The following CDH12 variants were observed in gnomAD, a reference collection of about 807,000 sequenced individuals.
The protein encoded by CDH12 is cadherin 12, also known as cadherin-12.
A neutral mutation model predicts 74.1 loss-of-function variants in CDH12; 41 were observed. The ratio of observed to expected loss-of-function variants is 0.55; its 90% confidence interval spans 0.43 to 0.72. The LOEUF (loss-of-function observed/expected upper bound fraction) is 0.72. CDH12 is among the 30% of genes least tolerant of loss of function. The pLI is 0.00. For synonymous variants in CDH12, 399 were observed against 355.0 expected (o/e 1.12, Z -1.39); for missense variants, 945 against 977.2 (o/e 0.97, Z 0.44).
At position 22,386,191 on chromosome 5, in the gene CDH12, C is replaced by T. The variant is rs1039809681; in HGVS notation, c.-333+19066G>A. Among the ~76,000 whole-genome samples, 4 of 152,156 alleles carry T rather than the reference C, an allele frequency of 2.6e-5. No homozygotes were observed. In the East Asian group the frequency reaches 5.8e-4, roughly 22 times the overall value. On this transcript the variant is annotated intron_variant, in intron 3 of 14. Coordinates refer to ENST00000382254, the MANE Select transcript of CDH12 (RefSeq NM_004061.5). Reference sequence around the variant, plus strand: ...ACAGGCGTGAGCCACTGCGCCCGGCCGGCTATACACTTTTAAACAACCAGA... The same window carrying T: ...ACAGGCGTGAGCCACTGCGCCCGGCTGGCTATACACTTTTAAACAACCAGA...
chr5:22,752,882 C>A (rs531203866), intron 1 of CDH12, among the ~76,000 whole-genome samples: 2 of 152,018 alleles, frequency 1.3e-5, no homozygotes, highest in African/African-American at 4.8e-5. Flanking sequence ...CAGGATACTT[C>A]TTTCTTGGAG....
intron 1 of CDH12, among the ~76,000 whole-genome samples, chr5:22,770,609 G>A (rs1746754988): frequency 6.6e-6 from 1 of 152,088 alleles, no homozygotes; most frequent in South Asian, 2.1e-4. Flanking sequence ...TTAAAGAAAA[G>A]AAATGACTTC....
At chr5:22,362,790 A>T (rs1740870612) in intron 3 of CDH12, among the ~76,000 whole-genome samples, 1 of 151,832 alleles carries the variant, frequency 6.6e-6, no homozygotes, top group Non-Finnish European at 1.5e-5. Context: ...AGGAACATGG[A>T]TGAAACTGGA....
intron 3 of CDH12, among the ~76,000 whole-genome samples, chr5:22,293,395 G>C (rs1737486175): frequency 6.6e-6 from 1 of 152,092 alleles, no homozygotes; most frequent in African/African-American, 2.4e-5. Context: ...TTGAGACTCT[G>C]AGCTCTTATT....
intron 1 of CDH12, among the ~76,000 whole-genome samples, chr5:22,524,554 T>G (rs960868941): frequency 5.3e-5 from 8 of 152,162 alleles, no homozygotes; most frequent in Non-Finnish European, 1.0e-4. Flanking sequence ...ACATTTTTTC[T>G]TTAGTTGACA....
chr5:22,319,970 C>T (rs112454682), intron 3 of CDH12, among the ~76,000 whole-genome samples: 111 of 152,230 alleles, frequency 7.3e-4, no homozygotes, highest in African/African-American at 2.5e-3. Flanking sequence ...TGGAGACTAA[C>T]TGACACTTGC....
intron 5 of CDH12, among the ~76,000 whole-genome samples, chr5:22,023,664 T>C (rs1738152349): frequency 6.6e-6 from 1 of 152,048 alleles, no homozygotes; most frequent in African/African-American, 2.4e-5. Flanking sequence ...CAGACTGGTA[T>C]CAAAGTAGAG....
intron 3 of CDH12, among the ~76,000 whole-genome samples, chr5:22,237,146 G>T (rs1394318058): frequency 3.3e-5 from 5 of 151,996 alleles, no homozygotes. Flanking sequence ...CAGCAGCACC[G>T]CAAACAGGTG....
intron 3 of CDH12, among the ~76,000 whole-genome samples, chr5:22,235,783 G>A (rs914138546): frequency 9.2e-5 from 14 of 152,120 alleles, no homozygotes; most frequent in Non-Finnish European, 1.5e-4. Flanking sequence ...AGTTCATACA[G>A]TCCTGCCTCA....
chr5:22,624,153 C>A (rs183259033), intron 1 of CDH12, among the ~76,000 whole-genome samples: 1 of 151,804 alleles, frequency 6.6e-6, no homozygotes, highest in Non-Finnish European at 1.5e-5. Context: ...ACACCTTATA[C>A]AAAAATTCAA....
chr5:21,956,575 G>T (rs1477171859), intron 6 of CDH12, among the ~76,000 whole-genome samples: 10 of 151,842 alleles, frequency 6.6e-5, no homozygotes, highest in Non-Finnish European at 1.0e-4. Flanking sequence ...CTTGTAAAAG[G>T]TATTTTTAAA....
chr5:22,094,264 A>G (rs1743611497), intron 4 of CDH12, among the ~76,000 whole-genome samples: 1 of 152,160 alleles, frequency 6.6e-6, no homozygotes, highest in Non-Finnish European at 1.5e-5. Context: ...AAGCCTTGGA[A>G]CCAACTTAAG....
intron 1 of CDH12, among the ~76,000 whole-genome samples, chr5:22,776,886 A>C (rs1417565675): frequency 6.6e-6 from 1 of 152,178 alleles, no homozygotes; most frequent in Non-Finnish European, 1.5e-5. Context: ...AATTAAGATA[A>C]GTTTCTAATT....
intron 1 of CDH12, among the ~76,000 whole-genome samples, chr5:22,666,208 C>CTA (rs993336243): frequency 1.3e-5 from 2 of 151,738 alleles, no homozygotes; most frequent in African/African-American, 4.8e-5. Flanking sequence ...AAGTCACCAC[C>CTA]TATGTCTAAT....
chr5:22,388,833 T>C (rs540428523), intron 3 of CDH12, among the ~76,000 whole-genome samples: 1 of 152,294 alleles, frequency 6.6e-6, no homozygotes, highest in East Asian at 1.9e-4. Flanking sequence ...TATTTGGGAT[T>C]ATGGAAAGAG....
chr5:22,131,477 G>A (rs996412643), intron 4 of CDH12, among the ~76,000 whole-genome samples: 3 of 152,088 alleles, frequency 2.0e-5, no homozygotes, highest in African/African-American at 7.2e-5. Context: ...TTCCCCACAT[G>A]CCTATCGAAA....
At chr5:22,715,757 C>T (rs188223139) in intron 1 of CDH12, among the ~76,000 whole-genome samples, 5 of 147,710 alleles carry the variant, frequency 3.4e-5, no homozygotes, top group African/African-American at 5.0e-5. Context: ...ACCAAGATCG[C>T]GCCATTGCAC....
chr5:22,671,740 G>T (rs956508242), intron 1 of CDH12, among the ~76,000 whole-genome samples: 52 of 152,084 alleles, frequency 3.4e-4, no homozygotes, highest in African/African-American at 1.2e-3. Context: ...AACATAAAGA[G>T]ATGCTGGGAA....
intron 2 of CDH12, among the ~76,000 whole-genome samples, chr5:22,502,577 G>T (rs1580712915): frequency 6.6e-6 from 1 of 151,698 alleles, no homozygotes; most frequent in East Asian, 1.9e-4. Flanking sequence ...GAATTAAATT[G>T]GTGCTCCCAA....
Sources: allele counts gnomAD v4.1 joint callset (sites outside exome capture counted in the v4.1 genomes callset), GRCh38; gene constraint gnomAD v4.1.1; transcripts MANE v1.5; gene names NCBI Gene and HGNC (gene_info 2026-07-23, HGNC 2026-07-21).